The following SLC37A1 variants were observed in gnomAD, a reference collection of about 807,000 sequenced individuals.
SLC37A1 encodes solute carrier family 37 member 1, also known as glucose-6-phosphate exchanger SLC37A1.
Under a neutral mutation model 75.3 loss-of-function variants are expected in SLC37A1, and 49 were observed. The ratio of observed to expected loss-of-function variants is 0.65; its 90% CI spans 0.52 to 0.83. SLC37A1 has a LOEUF of 0.83. Among genes scored for constraint, SLC37A1 ranks in the 40% least tolerant of loss-of-function variants. SLC37A1 has a pLI of 0.00. For synonymous variants in SLC37A1, 268 were observed against 292.1 expected, an observed-to-expected ratio of 0.92 and a Z score of 0.84; for missense variants, 566 against 695.0, an observed-to-expected ratio of 0.81 and a Z score of 2.09.
rs1378116240 is a variant in SLC37A1 at position 42,545,588 on chromosome 21, C to T, written c.731-1515C>T. ...CCTTTCTCAGGCCTCTCTGAGTCTC[C>T]TTTCTGAAGCTGTTCTCAAATGTGT... is the stretch of plus-strand genomic sequence containing the variant. On this transcript the variant is annotated intron_variant, in intron 8 of 19. Coordinates refer to ENST00000352133, the MANE Select transcript of SLC37A1 (RefSeq NM_001320537.2). The surrounding 1 kb of genome is among the most constrained non-coding windows in gnomAD (Gnocchi z 4.0). 6.6e-6 allele frequency among the ~76,000 whole-genome samples: 1 copy of T among 152,216 alleles called. No homozygotes were observed. The highest frequency in any genetic ancestry group is 1.5e-5 in the Non-Finnish European group (1 of 68,044).
chr21:42,570,163 G>A (rs1479307588), intron 17 of SLC37A1, among the ~76,000 whole-genome samples: 1 of 109,902 alleles, frequency 9.1e-6, no homozygotes, highest in Non-Finnish European at 2.1e-5. Flanking sequence ...GAAGCGGCGG[G>A]CAGGGTGGCC....
intron 14 of SLC37A1, among the ~76,000 whole-genome samples, chr21:42,565,294 G>A (rs925941420): frequency 6.6e-6 from 1 of 152,258 alleles, no homozygotes; most frequent in East Asian, 1.9e-4. Context: ...TTTTATCATC[G>A]TAACATTAGA....
chr21:42,565,739 C>T, intron 14 of SLC37A1, 88 bp from the exon 15 acceptor site: 1 of 1,264,760 alleles, frequency 7.9e-7, no homozygotes, highest in Non-Finnish European at 1.1e-6. Flanking sequence ...TGAGAATCAC[C>T]CGCCGGGTTT....
chr21:42,527,084 G>A (rs2054815278), intron 3 of SLC37A1, among the ~76,000 whole-genome samples: 1 of 152,246 alleles, frequency 6.6e-6, no homozygotes, highest in African/African-American at 2.4e-5. Flanking sequence ...TGGGGAGCTT[G>A]TGTGGGGTTT....
intron 2 of SLC37A1, among the ~76,000 whole-genome samples, chr21:42,519,745 G>A (rs947694020): frequency 6.6e-6 from 1 of 152,176 alleles, no homozygotes; most frequent in Non-Finnish European, 1.5e-5. Context: ...TTCTCTTCTT[G>A]ACTTATTTCA....
At chr21:42,529,673 A>G (rs772425044) in intron 3 of SLC37A1, among the ~76,000 whole-genome samples, 1 of 152,234 alleles carries the variant, frequency 6.6e-6, no homozygotes, top group Non-Finnish European at 1.5e-5. Flanking sequence ...AACCCAAAGA[A>G]ACAACGGGCA....
At chr21:42,513,169 T>C (rs988564560), upstream of SLC37A1, among the ~76,000 whole-genome samples, 4 of 152,120 alleles carry the variant, frequency 2.6e-5, no homozygotes, top group Non-Finnish European at 5.9e-5. Context: ...TCTAGGGGAC[T>C]GGCCAGGCCC....
intron 11 of SLC37A1, 110 bp downstream of exon 11, chr21:42,559,199 G>C: frequency 7.2e-7 from 1 of 1,387,352 alleles, no homozygotes; most frequent in Admixed American, 2.7e-5. Flanking sequence ...TGTAGAACCC[G>C]GGGATTCGAA....
At chr21:42,536,377 C>A (rs145122705) in intron 5 of SLC37A1, among the ~76,000 whole-genome samples, 2 of 152,184 alleles carry the variant, frequency 1.3e-5, no homozygotes, top group African/African-American at 4.8e-5. Context: ...CATTCTTGAT[C>A]CCACTTTGAA....
rs1485596208 is a variant in SLC37A1, at chr21:42,552,191, T to A, written c.769-1871T>A. Among the ~76,000 whole-genome samples the A allele has an allele frequency of 6.6e-6, 1 of 152,224 alleles. No homozygotes were observed. Among genetic ancestry groups the A allele is most frequent in the Non-Finnish European group, 1.5e-5 (1 of 68,038 alleles). ...GTTCTTTTGATTTGTATTTGATTCC[T>A]AGGTTACTTAGGTTTAGGATATCTA... On this transcript the variant is annotated intron_variant, in intron 9 of 19. Coordinates refer to ENST00000352133, the MANE Select transcript of SLC37A1 (RefSeq NM_001320537.2). The surrounding 1 kb of genome is among the most constrained non-coding windows in gnomAD (Gnocchi z 4.2).
In SLC37A1 at chr21:42,577,087, A is replaced by G. The variant is rs148463674; in HGVS notation, c.1521+2172A>G. ...CTGTACCTAGATAAACTTGCACACA[A>G]GAGTAAGGGTGAAGTGAAAACATTT... On this transcript the variant is annotated intron_variant, in intron 18 of 19. Transcript: ENST00000352133. Among the ~76,000 whole-genome samples the G allele has an allele frequency of 4.6e-3, 695 of 152,356 alleles. 4 individuals are homozygous for G. The highest frequency in any genetic ancestry group is 0.016 in the African/African-American group (651 of 41,578).
Position 42,562,975 on chromosome 21 carries a change from G to C in SLC37A1, c.1072+807G>C, listed in dbSNP as rs1263943480. Among the ~76,000 whole-genome samples, 3 of 152,184 alleles carry C rather than the reference G, an allele frequency of 2.0e-5. No individual in the cohort carries two copies. The East Asian group carries it at 5.8e-4, about 29-fold the overall frequency. ...TGGGGATGCAGATCCCACCAGAGGA[G>C]GATGCTGGCAGCACGAGGCTGGAGA... On this transcript the variant is annotated intron_variant, in intron 12 of 19. Transcript: ENST00000352133.
At chr21:42,530,476 G>A (rs2054920288) in intron 3 of SLC37A1, among the ~76,000 whole-genome samples, 1 of 152,124 alleles carries the variant, frequency 6.6e-6, no homozygotes, top group Non-Finnish European at 1.5e-5. Context: ...CTTAGATAAT[G>A]CTTTGGAGAA....
rs369040113 is a variant in SLC37A1, at chr21:42,543,405, A to C, written c.564-31A>C. The C allele has an allele frequency of 6.4e-5, 104 of 1,613,766 alleles. No individual in the cohort carries two copies. In the African/African-American group the frequency reaches 1.4e-3, roughly 21 times the overall value. On this transcript the variant is annotated intron_variant, in intron 7 of 19. Coordinates refer to ENST00000352133, the MANE Select transcript of SLC37A1 (RefSeq NM_001320537.2). ...GGACTCGTTTCAGCTTCTCAGCTCC[A>C]TCTTCTGTCTTCTGTTTTGTTGTGC...
intron 5 of SLC37A1, among the ~76,000 whole-genome samples, chr21:42,538,806 C>G (rs979285545): frequency 1.3e-5 from 2 of 152,216 alleles, no homozygotes; most frequent in Non-Finnish European, 2.9e-5. Context: ...TAGTGAGGCG[C>G]TAAGCATCCC....
At chr21:42,505,325 T>C (rs1003440015) in intron 2 of SLC37A1, among the ~76,000 whole-genome samples, 1 of 152,184 alleles carries the variant, frequency 6.6e-6, no homozygotes, top group Non-Finnish European at 1.5e-5. Context: ...AACCCAACTT[T>C]CTGTAGGATT....
chr21:42,570,864 T>A (rs1158937435), intron 17 of SLC37A1, among the ~76,000 whole-genome samples: 4 of 152,216 alleles, frequency 2.6e-5, no homozygotes, highest in African/African-American at 9.6e-5. Context: ...GGCACAGTTC[T>A]GAATGCCTTT....
At chr21:42,575,903 TC>T (rs2056297854) in intron 18 of SLC37A1, 2 of 985,366 alleles carry the variant, frequency 2.0e-6, no homozygotes, top group African/African-American at 3.5e-5. Context: ...TAATGAAGCC[TC>T]CAGATGGATT....
intron 6 of SLC37A1, among the ~76,000 whole-genome samples, chr21:42,541,927 C>T (rs1250125099): frequency 1.3e-5 from 2 of 152,000 alleles, no homozygotes; most frequent in African/African-American, 4.8e-5. Flanking sequence ...TTTTTGTAGA[C>T]AAGGGGGTCT....
Sources: gnomAD v4.1 joint callset for allele counts (sites outside exome capture counted in the v4.1 genomes callset) on GRCh38, gnomAD v4.1.1 for gene constraint, Gnocchi (gnomAD v3.1) non-coding constraint, MANE v1.5 for transcripts, NCBI Gene and HGNC (gene_info 2026-07-23, HGNC 2026-07-21) for gene names.